The following IMMP2L variants were observed in gnomAD, a reference collection of about 807,000 sequenced individuals.
IMMP2L encodes mitochondrial inner membrane protease subunit 2.
Under a neutral mutation model 19.3 loss-of-function variants are expected in IMMP2L, and 18 were observed. The ratio of observed to expected loss-of-function variants is 0.93; its 90% CI spans 0.64 to 1.38. The LOEUF (loss-of-function observed/expected upper bound fraction) is 1.38. Among genes scored for constraint, IMMP2L ranks in the 40% most tolerant of loss-of-function variants. The pLI, the probability that IMMP2L is intolerant of heterozygous loss-of-function variation, is 0.00. For synonymous variants in IMMP2L, 76 were observed against 73.0 expected (o/e 1.04, Z -0.21); for missense variants, 233 against 218.2 (o/e 1.07, Z -0.43).
intron 3 of IMMP2L, among the ~76,000 whole-genome samples, chr7:111,111,113 AATCCAC>A (rs1167478213): frequency 6.6e-6 from 1 of 152,140 alleles, no homozygotes; most frequent in Admixed American, 6.5e-5. Context: ...GCTTTCACCT[AATCCAC>A]ATATGAGATG....
intron 5 of IMMP2L, among the ~76,000 whole-genome samples, chr7:110,677,550 A>G (rs1439203824): frequency 6.6e-6 from 1 of 152,178 alleles, no homozygotes; most frequent in East Asian, 1.9e-4. Context: ...AAAGGCATGC[A>G]CACAGAATGC....
At chr7:110,826,260 A>C (rs1245359774) in intron 5 of IMMP2L, among the ~76,000 whole-genome samples, 6 of 152,186 alleles carry the variant, frequency 3.9e-5, no homozygotes, top group Non-Finnish European at 7.3e-5. Flanking sequence ...TAGTTCAACC[A>C]TTGTGGAAGT....
At chr7:111,283,819 A>G (rs1820174076) in intron 3 of IMMP2L, among the ~76,000 whole-genome samples, 1 of 151,200 alleles carries the variant, frequency 6.6e-6, no homozygotes, top group Admixed American at 6.6e-5. Flanking sequence ...AAAATACAAA[A>G]AATTAGCCGG....
intron 3 of IMMP2L, among the ~76,000 whole-genome samples, chr7:110,966,261 A>G (rs977026305): frequency 2.0e-5 from 3 of 152,056 alleles, no homozygotes; most frequent in African/African-American, 7.2e-5. Flanking sequence ...AGATTCTAAA[A>G]CAAAAGGAAA....
intron 5 of IMMP2L, among the ~76,000 whole-genome samples, chr7:110,858,132 T>C (rs951040009): frequency 6.6e-6 from 1 of 152,022 alleles, no homozygotes; most frequent in Admixed American, 6.6e-5. Context: ...TTTTGGTAGG[T>C]TAAACAAGAA....
chr7:111,070,439 C>T (rs114842796), intron 3 of IMMP2L, among the ~76,000 whole-genome samples: 1,584 of 151,094 alleles, frequency 0.01, 26 homozygotes, highest in African/African-American at 0.036. Flanking sequence ...AGAAAGACAA[C>T]AGCTAGAAAA....
chr7:110,824,899 T>C (rs935084203), intron 5 of IMMP2L, among the ~76,000 whole-genome samples: 2 of 152,182 alleles, frequency 1.3e-5, no homozygotes, highest in African/African-American at 2.4e-5. Context: ...GAAGTCAAAT[T>C]GTCCCTGTTT....
At chr7:111,317,415 A>G (rs1294339631) in intron 3 of IMMP2L, among the ~76,000 whole-genome samples, 3 of 152,148 alleles carry the variant, frequency 2.0e-5, no homozygotes, top group African/African-American at 7.2e-5. Flanking sequence ...CAAGATTTAT[A>G]TATTAAGATC....
chr7:111,351,472 A>G (rs1195415524), intron 3 of IMMP2L, among the ~76,000 whole-genome samples: 2 of 152,144 alleles, frequency 1.3e-5, no homozygotes, highest in Non-Finnish European at 2.9e-5. Context: ...TACAGGTGTG[A>G]GCCACCGCAC....
intron 3 of IMMP2L, among the ~76,000 whole-genome samples, chr7:111,117,267 G>A (rs563020902): frequency 1.3e-5 from 2 of 152,180 alleles, no homozygotes; most frequent in African/African-American, 2.4e-5. Flanking sequence ...AATCTTTGAT[G>A]TTCACAGAAT....
rs200537767 is a variant in IMMP2L at position 111,223,264 on chromosome 7, T to A, written c.240-259699A>T. Among the ~76,000 whole-genome samples the A allele has an allele frequency of 1.8e-4, 28 of 152,138 alleles. No individual in the cohort carries two copies. The East Asian group carries it at 5.2e-3, about 28-fold the overall frequency. On this transcript the variant is annotated intron_variant, in intron 3 of 5. Coordinates refer to ENST00000405709, the MANE Select transcript of IMMP2L (RefSeq NM_032549.4). Reference sequence around the variant, plus strand: ...ATACAGTAAGTTTTAATTATTTTTGTAATATTTTTTCTTTAAGAAAGGCAG... The same window carrying A: ...ATACAGTAAGTTTTAATTATTTTTGAAATATTTTTTCTTTAAGAAAGGCAG...
chr7:111,253,952 C>T (rs1247520418), intron 3 of IMMP2L, among the ~76,000 whole-genome samples: 1 of 152,074 alleles, frequency 6.6e-6, no homozygotes, highest in Non-Finnish European at 1.5e-5. Flanking sequence ...ATAACGACAA[C>T]TATATAAATG....
chr7:111,220,490 T>C (rs1197924172), intron 3 of IMMP2L, among the ~76,000 whole-genome samples: 3 of 151,984 alleles, frequency 2.0e-5, no homozygotes, highest in Admixed American at 6.6e-5. Context: ...ATTTATTATA[T>C]TAAATGCAAG....
rs537737292 is a variant in IMMP2L, at chr7:111,391,648, G to A, written c.239+95590C>T. ...TTTCTGCACTTTTAAATAACCCAAC[G>A]TGAAAATTATAGGTAATGCACTGCC... On this transcript the variant is annotated intron_variant, in intron 3 of 5. Transcript: ENST00000405709. Among the ~76,000 whole-genome samples the A allele has an allele frequency of 1.1e-4, 17 of 152,158 alleles. 2 individuals are homozygous for A. The East Asian group carries it at 2.1e-3, about 19-fold the overall frequency.
intron 5 of IMMP2L, among the ~76,000 whole-genome samples, chr7:110,818,567 G>T (rs1366687733): frequency 6.6e-6 from 1 of 151,980 alleles, no homozygotes; most frequent in Admixed American, 6.6e-5. Flanking sequence ...GATTCCTCAG[G>T]GATCTAGAAC....
intron 1 of IMMP2L, among the ~76,000 whole-genome samples, chr7:111,535,127 C>T (rs977888712): frequency 2.0e-5 from 3 of 152,060 alleles, no homozygotes; most frequent in Non-Finnish European, 4.4e-5. Context: ...GTTCCTAGCC[C>T]TATTTTCTTT....
chr7:110,682,395 T>TGA (rs1443234336), intron 5 of IMMP2L, among the ~76,000 whole-genome samples: 1 of 152,172 alleles, frequency 6.6e-6, no homozygotes, highest in Non-Finnish European at 1.5e-5. Flanking sequence ...CTACCACTTG[T>TGA]GAGCTTCTTG....
At position 111,375,392 on chromosome 7, in the gene IMMP2L, A is replaced by G. The variant is rs553093736; in HGVS notation, c.239+111846T>C. On this transcript the variant is annotated intron_variant, in intron 3 of 5. Transcript: ENST00000405709. ...GGTCTGGTACTCAACTGGCTCGTTC[A>G]TAATATCTGAGTGAAGCCTGGAAAT... Among the ~76,000 whole-genome samples the G allele has an allele frequency of 2.0e-5, 3 of 152,194 alleles. No homozygotes were observed. In the East Asian group the frequency reaches 5.8e-4, roughly 29 times the overall value.
intron 3 of IMMP2L, among the ~76,000 whole-genome samples, chr7:111,134,085 A>G (rs1352332460): frequency 6.6e-6 from 1 of 151,938 alleles, no homozygotes. Context: ...GATGTCTTTG[A>G]TTTTAAGATT....
Sources: gnomAD v4.1 joint callset for allele counts (sites outside exome capture counted in the v4.1 genomes callset) on GRCh38, gnomAD v4.1.1 for gene constraint, MANE v1.5 for transcripts, NCBI Gene and HGNC (gene_info 2026-07-23, HGNC 2026-07-21) for gene names.